CACNB2: variants seen among roughly 807,000 people sequenced by gnomAD.
CACNB2 encodes calcium voltage-gated channel auxiliary subunit beta 2.
CACNB2 carries 42 observed loss-of-function variants against 73.3 expected under a neutral mutation model. The observed-to-expected ratio is 0.57, with a 90% CI of 0.45 to 0.74. The LOEUF (loss-of-function observed/expected upper bound fraction) is 0.74. Ranked by LOEUF, CACNB2 falls within the 30% of genes least tolerant of loss-of-function variation. CACNB2 has a pLI of 0.00. For synonymous variants in CACNB2, 348 were observed against 310.3 expected (o/e 1.12, Z -1.28); for missense variants, 940 against 853.0 (o/e 1.10, Z -1.27).
intron 2 of CACNB2, among the ~76,000 whole-genome samples, chr10:18,312,649 T>C (rs1051561746): frequency 2.0e-5 from 3 of 152,192 alleles, no homozygotes; most frequent in Admixed American, 6.5e-5. Context: ...GTCATTCAGA[T>C]CCCTAATCTG....
rs184242736 is a variant in CACNB2 at position 18,235,517 on chromosome 10, C to G, written c.213+84542C>G. The stretch of plus-strand genomic sequence containing the variant: ...TACATTGTAGGTTATGTATATTTAG[C>G]AATAATAATAATAAAACAACACAGT... On this transcript the variant is annotated intron_variant, in intron 2 of 13. Coordinates refer to ENST00000324631, the MANE Select transcript of CACNB2 (RefSeq NM_201596.3). Among the ~76,000 whole-genome samples the G allele has an allele frequency of 2.7e-3, 410 of 152,188 alleles. 6 individuals carry two copies. The highest frequency in any genetic ancestry group is 7.6e-4 in the Non-Finnish European group (52 of 67,996).
rs57218845 is a variant in CACNB2, at chr10:18,153,563, CTTATTTATTTAT to C, written c.213+2611_213+2622del. ...GTGACAATGGGCACACTAGATTTTA[CTTATTTATTTAT>C]TTATTTATTTATTTATTTATTTTTG... On this transcript the variant is annotated intron_variant, in intron 2 of 13. Coordinates refer to ENST00000324631, the MANE Select transcript of CACNB2 (RefSeq NM_201596.3). Among the ~76,000 whole-genome samples, 216 of 142,740 alleles carry C rather than the reference CTTATTTATTTAT, an allele frequency of 1.5e-3. 2 individuals carry two copies. The highest frequency in any genetic ancestry group is 3.6e-3 in the Middle Eastern group (1 of 276). 93.6% of individuals were successfully genotyped at this position (142,740 alleles called of 152,430 possible).
intron 2 of CACNB2, among the ~76,000 whole-genome samples, chr10:18,252,460 G>T (rs894855533): frequency 6.6e-6 from 1 of 152,180 alleles, no homozygotes; most frequent in Non-Finnish European, 1.5e-5. Context: ...ATGGCTCATA[G>T]TAAGAAGTAC....
intron 8 of CACNB2, 144 bp downstream of exon 8, chr10:18,518,560 T>C (rs1005609519): frequency 1.4e-6 from 1 of 735,068 alleles, no homozygotes; most frequent in Non-Finnish European, 2.5e-6. Context: ...GCAAAGCCTG[T>C]TGTTCTGCAA....
Position 18,527,686 on chromosome 10 carries a change from G to A in CACNB2, c.1043G>A (p.Arg348Lys). The stretch of plus-strand genomic sequence containing the variant: ...GCAATAATAGAAAGATCCAACACAA[G>A]GTCAAGCTTAGGTAAGTCTGTGCAA... Reference protein sequence around the residue: ...KHAIIERSNTRSSLAEVQSEI... With the variant: ...KHAIIERSNTKSSLAEVQSEI... Residue 348 changes from arginine (R) to lysine (K), a missense_variant, in exon 10 of 14, where the codon AGG (arginine) becomes AAG (lysine). By Grantham distance (26) the Arg-to-Lys change is conservative (BLOSUM62 2). Coordinates refer to ENST00000324631, the MANE Select transcript of CACNB2 (RefSeq NM_201596.3). 1 of 1,610,404 alleles carries A rather than the reference G, an allele frequency of 6.2e-7. No homozygotes were observed. The highest frequency in any genetic ancestry group is 8.5e-7 in the Non-Finnish European group (1 of 1,177,022).
intron 2 of CACNB2, among the ~76,000 whole-genome samples, chr10:18,319,591 G>A (rs1339485665): frequency 2.0e-5 from 3 of 152,014 alleles, no homozygotes; most frequent in Non-Finnish European, 4.4e-5. Context: ...TTCTGCACAT[G>A]TATCCTGGAG....
Position 18,534,127 on chromosome 10 carries a change from A to C in CACNB2, c.1106A>C (p.Gln369Pro). 6.2e-7 allele frequency: 1 copy of C among 1,614,072 alleles called. No individual in the cohort carries two copies. The highest frequency in any genetic ancestry group is 8.5e-7 in the Non-Finnish European group (1 of 1,179,920). The change falls in exon 11 of 14, where the codon CAG becomes CCG. Residue 369 changes from glutamine to proline, a missense_variant. By Grantham distance (76) the Gln-to-Pro change is moderately conservative. Coordinates refer to ENST00000324631, the MANE Select transcript of CACNB2 (RefSeq NM_201596.3). ...ERIFELARTLQLVVLDADTIN... is the reference protein window; with the variant it reads ...ERIFELARTLPLVVLDADTIN... ...ATTTTTGAACTTGCAAGAACATTGC[A>C]GTTGGTGGTCCTTGACGCGGATACA...
At chr10:18,237,626 G>A in intron 2 of CACNB2, among the ~76,000 whole-genome samples, 1 of 152,190 alleles carries the variant, frequency 6.6e-6, no homozygotes, top group East Asian at 1.9e-4. Context: ...CATAGCTGTG[G>A]CAGCCCCAGG....
intron 2 of CACNB2, among the ~76,000 whole-genome samples, chr10:18,320,680 A>T (rs1315657327): frequency 6.6e-6 from 1 of 152,198 alleles, no homozygotes; most frequent in Admixed American, 6.5e-5. Context: ...TGTAACCCAC[A>T]GGGTTGTTTT....
At chr10:18,473,514 A>T (rs1367592200) in intron 3 of CACNB2, among the ~76,000 whole-genome samples, 1 of 152,180 alleles carries the variant, frequency 6.6e-6, no homozygotes, top group African/African-American at 2.4e-5. Context: ...GTTTACTTTC[A>T]GTTCAAGACA....
chr10:18,256,526 T>C (rs1398991511), intron 2 of CACNB2: 1 of 152,272 alleles, frequency 6.6e-6, no homozygotes, highest in Non-Finnish European at 1.5e-5. Flanking sequence ...CAGCCTGAGT[T>C]CCTGATTCTC....
chr10:18,465,655 A>G (rs889324584), intron 3 of CACNB2, among the ~76,000 whole-genome samples: 55 of 151,588 alleles, frequency 3.6e-4, no homozygotes, highest in African/African-American at 1.2e-3. Context: ...TGTTGATCCC[A>G]AAGATAAGTA....
At chr10:18,290,751 C>T (rs894777172) in intron 2 of CACNB2, among the ~76,000 whole-genome samples, 1 of 152,218 alleles carries the variant, frequency 6.6e-6, no homozygotes, top group Non-Finnish European at 1.5e-5. Flanking sequence ...TCTAATCACA[C>T]GGTGTTGCTT....
chr10:18,373,472 A>G (rs2042670491), intron 2 of CACNB2, among the ~76,000 whole-genome samples: 1 of 152,216 alleles, frequency 6.6e-6, no homozygotes, highest in Admixed American at 6.5e-5. Flanking sequence ...ATTATTCCAA[A>G]CAATGTTTTT....
At chr10:18,239,529 A>G (rs751944068) in intron 2 of CACNB2, among the ~76,000 whole-genome samples, 7 of 152,152 alleles carry the variant, frequency 4.6e-5, no homozygotes, top group Admixed American at 6.5e-5. Flanking sequence ...GTGCATGTGT[A>G]AGTAGATATA....
At chr10:18,159,086 T>A (rs1387297852) in intron 2 of CACNB2, among the ~76,000 whole-genome samples, 1 of 152,112 alleles carries the variant, frequency 6.6e-6, no homozygotes, top group Non-Finnish European at 1.5e-5. Context: ...CTTCATTTTC[T>A]TAAAGACATG....
chr10:18,489,617 A>C (rs187164125), intron 3 of CACNB2, among the ~76,000 whole-genome samples: 78 of 152,184 alleles, frequency 5.1e-4, no homozygotes, highest in African/African-American at 1.8e-3. Context: ...CCTTGGAATA[A>C]AACAATTGTA....
At chr10:18,256,995 A>G (rs1160903885) in intron 2 of CACNB2, 1 of 152,236 alleles carries the variant, frequency 6.6e-6, no homozygotes, top group Non-Finnish European at 1.5e-5. Context: ...TTTAGCATCT[A>G]TAATTGGAAT....
At chr10:18,280,410 C>G (rs2038491007) in intron 2 of CACNB2, among the ~76,000 whole-genome samples, 1 of 152,074 alleles carries the variant, frequency 6.6e-6, no homozygotes, top group Admixed American at 6.5e-5. Context: ...ATGCCCGAGC[C>G]AAGATTTGAA....
Sources: gnomAD v4.1 joint callset for allele counts (sites outside exome capture counted in the v4.1 genomes callset) on GRCh38, gnomAD v4.1.1 for gene constraint, MANE v1.5 for transcripts, NCBI Gene and HGNC (gene_info 2026-07-23, HGNC 2026-07-21) for gene names.